MEOX1: variants seen among roughly 807,000 people sequenced by gnomAD.
The protein encoded by MEOX1 is homeobox protein MOX-1.
In MEOX1, 17 loss-of-function variants were observed where a neutral mutation model predicts 23.2. The ratio of observed to expected loss-of-function variants is 0.73; its 90% CI spans 0.50 to 1.10. The LOEUF (loss-of-function observed/expected upper bound fraction) is 1.10. MEOX1 is among the 50% of genes least tolerant of loss of function. MEOX1 has a pLI of 0.00. For missense variants in MEOX1, 333 were observed against 332.2 expected, an observed-to-expected ratio of 1.00 and a Z score of -0.02; for synonymous variants, 134 against 135.1, an observed-to-expected ratio of 0.99 and a Z score of 0.06.
intron 2 of MEOX1, among the ~76,000 whole-genome samples, 168 bp downstream of exon 2, chr17:43,643,320 C>T (rs1313435223): frequency 6.6e-6 from 1 of 151,804 alleles, no homozygotes. Context: ...AAACAAAAAA[C>T]AAAAAAACCC....
rs181384569 is a variant in MEOX1 at position 43,649,375 on chromosome 17, C to T, written c.470-5715G>A. ...ATTGGTCACTGCAATGGCGGGATCT[C>T]GGCTCACCGCAACCTCTGCCTCCTG... On this transcript the variant is annotated intron_variant, in intron 1 of 2. Coordinates refer to ENST00000318579, the MANE Select transcript of MEOX1 (RefSeq NM_004527.4). Among the ~76,000 whole-genome samples, 210 of 142,910 alleles carry T rather than the reference C, an allele frequency of 1.5e-3. 1 individual carries two copies. The highest frequency in any genetic ancestry group is 5.3e-3 in the African/African-American group (202 of 38,460). The allele number at this position is 142,910 out of a possible 152,430, so 93.8% of individuals were successfully genotyped here.
intron 1 of MEOX1, among the ~76,000 whole-genome samples, chr17:43,660,071 T>A (rs945422607): frequency 2.0e-5 from 3 of 152,194 alleles, no homozygotes; most frequent in Non-Finnish European, 4.4e-5. Context: ...GGCGTGCCCC[T>A]GAGGGCGGCT....
chr17:43,650,397 C>G (rs769287838), intron 1 of MEOX1, among the ~76,000 whole-genome samples: 1 of 152,202 alleles, frequency 6.6e-6, no homozygotes, highest in Non-Finnish European at 1.5e-5. Context: ...ATTTTATCCT[C>G]TTAATTATTC....
chr17:43,647,143 C>T (rs866322274), intron 1 of MEOX1, among the ~76,000 whole-genome samples: 3 of 152,184 alleles, frequency 2.0e-5, no homozygotes, highest in Admixed American at 6.5e-5. Context: ...CACCACACAG[C>T]GGCCTATGAG....
At chr17:43,657,050 CTTT>C (rs1567748387) in intron 1 of MEOX1, among the ~76,000 whole-genome samples, 14 of 135,090 alleles carry the variant, frequency 1.0e-4, no homozygotes, top group East Asian at 4.2e-4. Context: ...TTCTTTCTTT[CTTT>C]CTTTCCTTCC....
intron 1 of MEOX1, among the ~76,000 whole-genome samples, chr17:43,658,287 TC>T (rs1299848627): frequency 1.3e-5 from 2 of 152,152 alleles, no homozygotes; most frequent in African/African-American, 4.8e-5. Flanking sequence ...GGTGGGCTGA[TC>T]ACGAGGTCAG....
chr17:43,643,435 G>A, intron 2 of MEOX1, 53 bp downstream of exon 2: 2 of 1,471,218 alleles, frequency 1.4e-6, no homozygotes, highest in Admixed American at 2.1e-5. Flanking sequence ...GGAAAGGAGG[G>A]AAGGGAGGGA....
At chr17:43,658,127 A>G (rs1268741887) in intron 1 of MEOX1, among the ~76,000 whole-genome samples, 1 of 152,244 alleles carries the variant, frequency 6.6e-6, no homozygotes, top group Non-Finnish European at 1.5e-5. Flanking sequence ...CGCGTTTCTG[A>G]TCAATGCTGG....
At chr17:43,643,452 A>C in intron 2 of MEOX1, 36 bp downstream of exon 2, 1 of 1,518,542 alleles carries the variant, frequency 6.6e-7, no homozygotes, top group Non-Finnish European at 8.9e-7. Context: ...GGGAGATGAG[A>C]GAGCAAAGAA....
chr17:43,657,099 TTCTCTCTTTTTCTC>T (rs1973046278), intron 1 of MEOX1, among the ~76,000 whole-genome samples: 1 of 149,296 alleles, frequency 6.7e-6, no homozygotes, highest in Non-Finnish European at 1.5e-5. Context: ...TTCTTTTTCT[TTCTCTCTTTTTCTC>T]TCTGTCTCCT....
At chr17:43,649,249 C>A (rs1219709167) in intron 1 of MEOX1, among the ~76,000 whole-genome samples, 3 of 150,672 alleles carry the variant, frequency 2.0e-5, no homozygotes, top group Admixed American at 2.0e-4. Context: ...CATCTCCAGA[C>A]CTGTGTGAAA....
chr17:43,648,489 G>GA (rs1972852766), intron 1 of MEOX1, among the ~76,000 whole-genome samples: 1 of 149,000 alleles, frequency 6.7e-6, no homozygotes, highest in Admixed American at 6.7e-5. Context: ...AAAAAGAAAA[G>GA]AAAAAGAAAC....
chr17:43,653,538 T>C (rs1972957979), intron 1 of MEOX1, among the ~76,000 whole-genome samples: 1 of 139,750 alleles, frequency 7.2e-6, no homozygotes, highest in African/African-American at 2.7e-5. Flanking sequence ...TGAGACAGAG[T>C]CTGGCTCTGT....
At chr17:43,649,107 TTAACACCTAGCA>T (rs1972864604) in intron 1 of MEOX1, among the ~76,000 whole-genome samples, 1 of 152,142 alleles carries the variant, frequency 6.6e-6, no homozygotes, top group African/African-American at 2.4e-5. Flanking sequence ...ATAGCGGGCG[TTAACACCTAGCA>T]CAGTGCCTGG....
intron 1 of MEOX1, among the ~76,000 whole-genome samples, chr17:43,645,582 C>A (rs1453147851): frequency 1.3e-5 from 2 of 152,154 alleles, no homozygotes; most frequent in African/African-American, 4.8e-5. Context: ...CTCTGCCTTG[C>A]CGGCGAGGAG....
At position 43,648,525 on chromosome 17, in the gene MEOX1, G is replaced by A. The variant is rs1426101720; in HGVS notation, c.470-4865C>T. ...TAACTCATGCTTCCCAAGATGGTCT[G>A]TTCCCAGGATAGTACAACTTTGTTA... On this transcript the variant is annotated intron_variant, in intron 1 of 2. Coordinates refer to ENST00000318579, the MANE Select transcript of MEOX1 (RefSeq NM_004527.4). 2.0e-5 allele frequency among the ~76,000 whole-genome samples: 3 copies of A among 151,854 alleles called. No homozygotes were observed. The East Asian group carries it at 5.8e-4, about 29-fold the overall frequency.
chr17:43,648,747 G>A (rs770356067), intron 1 of MEOX1, among the ~76,000 whole-genome samples: 4 of 152,090 alleles, frequency 2.6e-5, no homozygotes, highest in African/African-American at 9.7e-5. Context: ...CCAACTTCAC[G>A]TATTCTTGTC....
chr17:43,648,419 C>CTG (rs1215963461), intron 1 of MEOX1, among the ~76,000 whole-genome samples: 1 of 146,538 alleles, frequency 6.8e-6, no homozygotes, highest in Non-Finnish European at 1.5e-5. Context: ...CAGTGAGCCA[C>CTG]GAGTACCACT....
Position 43,642,876 on chromosome 17 carries a change from A to G in MEOX1, c.642+612T>C, listed in dbSNP as rs564476285. ...ATTCCAACATATACTCAAATTTGGG[A>G]ATAGCCAGACCGTAGGTCCCAACCT... On this transcript the variant is annotated intron_variant, in intron 2 of 2. Coordinates refer to ENST00000318579, the MANE Select transcript of MEOX1 (RefSeq NM_004527.4). 1.4e-3 allele frequency among the ~76,000 whole-genome samples: 214 copies of G among 152,302 alleles called. 1 individual carries two copies. The highest frequency in any genetic ancestry group is 6.8e-3 in the Middle Eastern group (2 of 294).
Sources: allele counts gnomAD v4.1 joint callset (sites outside exome capture counted in the v4.1 genomes callset), GRCh38; gene constraint gnomAD v4.1.1; transcripts MANE v1.5; gene names NCBI Gene and HGNC (gene_info 2026-07-23, HGNC 2026-07-21).